MACROD2: variants seen among roughly 807,000 people sequenced by gnomAD.
MACROD2 encodes the protein ADP-ribose glycohydrolase MACROD2.
Under a neutral mutation model 70.4 loss-of-function variants are expected in MACROD2, and 36 were observed. The observed-to-expected ratio is 0.51, with a 90% CI of 0.39 to 0.68. MACROD2 has a LOEUF of 0.68. Among genes scored for constraint, MACROD2 ranks in the 30% least tolerant of loss-of-function variants. The pLI, the probability that MACROD2 is intolerant of heterozygous loss-of-function variation, is 0.00. For missense variants in MACROD2, 496 were observed against 538.4 expected (o/e 0.92, Z 0.78); for synonymous variants, 172 against 178.8 (o/e 0.96, Z 0.30).
chr20:15,580,945 AACAG>A (rs1459695106), intron 8 of MACROD2, among the ~76,000 whole-genome samples: 1 of 152,192 alleles, frequency 6.6e-6, no homozygotes, highest in East Asian at 1.9e-4. Flanking sequence ...GGGCCTGCAG[AACAG>A]ACAAAGTCTG....
chr20:14,350,125 TC>T (rs2083108634), intron 3 of MACROD2, among the ~76,000 whole-genome samples: 2 of 152,182 alleles, frequency 1.3e-5, no homozygotes, highest in Non-Finnish European at 2.9e-5. Flanking sequence ...TATCCATTTA[TC>T]TGCTGATGAA....
At chr20:15,854,160 A>G (rs1262174733) in intron 8 of MACROD2, among the ~76,000 whole-genome samples, 1 of 152,204 alleles carries the variant, frequency 6.6e-6, no homozygotes, top group Non-Finnish European at 1.5e-5. Context: ...CACAGAGGGA[A>G]TAAAGGTATT....
intron 3 of MACROD2, among the ~76,000 whole-genome samples, chr20:14,229,183 A>G (rs1166347649): frequency 3.3e-5 from 5 of 152,166 alleles, no homozygotes; most frequent in Non-Finnish European, 7.4e-5. Context: ...TTTTAGATAC[A>G]ACACCAAAAA....
intron 4 of MACROD2, among the ~76,000 whole-genome samples, chr20:14,551,557 G>A (rs946804019): frequency 4.6e-5 from 7 of 152,164 alleles, no homozygotes; most frequent in African/African-American, 1.2e-4. Flanking sequence ...GTGGCCTGGT[G>A]TACAGATTGA....
intron 3 of MACROD2, among the ~76,000 whole-genome samples, chr20:14,456,386 A>G (rs1202251584): frequency 6.6e-6 from 1 of 151,886 alleles, no homozygotes; most frequent in African/African-American, 2.4e-5. Context: ...TGCAAATCTT[A>G]CTAAAAGCAA....
intron 5 of MACROD2, among the ~76,000 whole-genome samples, chr20:14,810,528 A>G (rs111812112): frequency 6.6e-6 from 1 of 152,162 alleles, no homozygotes; most frequent in Non-Finnish European, 1.5e-5. Flanking sequence ...GAAAACTGGC[A>G]CAAGACAAGG....
chr20:14,751,044 G>A (rs1381148359), intron 5 of MACROD2, among the ~76,000 whole-genome samples: 6 of 151,710 alleles, frequency 4.0e-5, no homozygotes, highest in South Asian at 2.1e-4. Flanking sequence ...ATCTTATATC[G>A]CTTATATAAC....
intron 5 of MACROD2, among the ~76,000 whole-genome samples, chr20:14,844,801 G>A (rs997409392): frequency 6.6e-6 from 1 of 152,102 alleles, no homozygotes; most frequent in Non-Finnish European, 1.5e-5. Flanking sequence ...TTTAACAGAA[G>A]AAGAAGAGCC....
chr20:15,737,465 C>G (rs923487831), intron 8 of MACROD2, among the ~76,000 whole-genome samples: 1 of 152,166 alleles, frequency 6.6e-6, no homozygotes, highest in African/African-American at 2.4e-5. Context: ...GCCAAGCTCC[C>G]ATCTGTGTAC....
chr20:15,728,941 G>T (rs1315143176), intron 8 of MACROD2, among the ~76,000 whole-genome samples: 3 of 151,942 alleles, frequency 2.0e-5, no homozygotes, highest in Non-Finnish European at 1.5e-5. Context: ...GAGTTTGTTT[G>T]TTCTTTCTCT....
intron 4 of MACROD2, among the ~76,000 whole-genome samples, chr20:14,584,639 G>T (rs928530307): frequency 5.9e-5 from 9 of 152,188 alleles, no homozygotes; most frequent in African/African-American, 9.6e-5. Context: ...CACATATAGG[G>T]CTTCAACATT....
rs57520093 is a variant in MACROD2, at chr20:15,794,420, C to G, written c.646-68325C>G. On this transcript the variant is annotated intron_variant, in intron 8 of 17. Transcript: ENST00000684519. The stretch of plus-strand genomic sequence containing the variant: ...ATCCCTGTCTTGCCAACCCTCATAT[C>G]TTCAGCTGGGGCAGAAAACCTGAGC... Among the ~76,000 whole-genome samples, 1,233 of 152,326 alleles carry G rather than the reference C, an allele frequency of 8.1e-3. 14 individuals carry two copies. Among genetic ancestry groups the G allele is most frequent in the African/African-American group, 0.028 (1,160 of 41,574 alleles).
At chr20:14,578,029 A>G (rs1001497093) in intron 4 of MACROD2, among the ~76,000 whole-genome samples, 4 of 152,054 alleles carry the variant, frequency 2.6e-5, no homozygotes, top group African/African-American at 7.2e-5. Context: ...CTGAAGTACA[A>G]CCTGTTGTTC....
At chr20:15,699,785 T>G (rs1182836921) in intron 8 of MACROD2, among the ~76,000 whole-genome samples, 1 of 152,168 alleles carries the variant, frequency 6.6e-6, no homozygotes, top group Non-Finnish European at 1.5e-5. Context: ...TCTCAGCTCA[T>G]TCAAATTGTT....
chr20:15,278,194 AG>A (rs1229618446), intron 6 of MACROD2, among the ~76,000 whole-genome samples: 1 of 152,188 alleles, frequency 6.6e-6, no homozygotes, highest in Non-Finnish European at 1.5e-5. Context: ...TGAAGGATAA[AG>A]CTTTTTGCCC....
intron 3 of MACROD2, among the ~76,000 whole-genome samples, chr20:14,376,249 GC>G (rs1427307301): frequency 1.3e-5 from 2 of 151,884 alleles, no homozygotes; most frequent in Non-Finnish European, 2.9e-5. Flanking sequence ...TACTTCCTAT[GC>G]CTTTTTATTT....
At chr20:15,144,989 A>G (rs1487789766) in intron 5 of MACROD2, among the ~76,000 whole-genome samples, 1 of 152,182 alleles carries the variant, frequency 6.6e-6, no homozygotes, top group Non-Finnish European at 1.5e-5. Context: ...TGTGGTACAT[A>G]TATGAGGGAG....
At chr20:15,943,599 C>T (rs1319725606) in intron 12 of MACROD2, among the ~76,000 whole-genome samples, 1 of 152,126 alleles carries the variant, frequency 6.6e-6, no homozygotes, top group East Asian at 1.9e-4. Context: ...CATTGAGTGT[C>T]TCCTGTACAC....
intron 5 of MACROD2, among the ~76,000 whole-genome samples, chr20:14,930,989 A>T (rs2074290663): frequency 6.6e-6 from 1 of 151,760 alleles, no homozygotes; most frequent in Non-Finnish European, 1.5e-5. Context: ...ACATAGTGAG[A>T]CCCCATCCTT....
Sources: gnomAD v4.1 joint callset for allele counts (sites outside exome capture counted in the v4.1 genomes callset) on GRCh38, gnomAD v4.1.1 for gene constraint, MANE v1.5 for transcripts, NCBI Gene and HGNC (gene_info 2026-07-23, HGNC 2026-07-21) for gene names.